CYP4A22: variants seen among roughly 807,000 people sequenced by gnomAD.
The protein encoded by CYP4A22 is cytochrome P450 family 4 subfamily A member 22.
CYP4A22 carries 46 observed loss-of-function variants against 56.2 expected under a neutral mutation model. The observed-to-expected ratio is 0.82, with a 90% CI of 0.65 to 1.05. CYP4A22 has a LOEUF of 1.05. CYP4A22 is among the 50% of genes least tolerant of loss of function. CYP4A22 has a pLI of 0.00. For synonymous variants in CYP4A22, 193 were observed against 251.1 expected (o/e 0.77, Z 2.19); for missense variants, 541 against 645.9 (o/e 0.84, Z 1.76).
At chr1:47,147,250 G>C in intron 11 of CYP4A22, 1 of 985,422 alleles carries the variant, frequency 1.0e-6, no homozygotes, top group Non-Finnish European at 1.2e-6. Flanking sequence ...TGTAAACATT[G>C]CCTGCAAATC....
rs2405594 is a variant in CYP4A22 at position 47,144,981 on chromosome 1, T to C, written c.1222+11T>C. On this transcript the variant is annotated intron_variant, in intron 9 of 11. Coordinates refer to ENST00000371891, the MANE Select transcript of CYP4A22 (RefSeq NM_001010969.4). ...GCTCCTTGCCCAAAGGTATGAAGTT[T>C]CCCCACCCTCTCACCCAAAGTCTCC... 6 of 1,613,730 alleles carry C rather than the reference T, an allele frequency of 3.7e-6. No homozygotes were observed. Among genetic ancestry groups the C allele is most frequent in the African/African-American group, 1.3e-5 (1 of 74,920 alleles).
rs959615067 is a variant in CYP4A22, at chr1:47,142,301, T to C, written c.510+66T>C. On this transcript the variant is annotated intron_variant, in intron 4 of 11. Coordinates refer to ENST00000371891, the MANE Select transcript of CYP4A22 (RefSeq NM_001010969.4). ...GCACACACTCTCACCAACTCCACTC[T>C]CAACCCTGTGTCCCACAGGCAGCCA... The C allele has an allele frequency of 5.3e-6, 8 of 1,519,846 alleles. No individual in the cohort carries two copies. The African/African-American group carries it at 1.1e-4, about 21-fold the overall frequency. 94.1% of individuals were successfully genotyped at this position (1,519,846 alleles called of 1,614,324 possible). A position where few individuals can be genotyped will look rare whatever the true frequency, so the allele number is the denominator to read the frequency against.
intron 9 of CYP4A22, 47 bp from the exon 10 acceptor site, chr1:47,145,819 C>T (rs770092010): frequency 3.7e-6 from 6 of 1,612,264 alleles, no homozygotes; most frequent in Admixed American, 1.7e-5. Flanking sequence ...ACCAGGCCAC[C>T]CCATGCAAAT....
In CYP4A22 at chr1:47,140,772, G is replaced by A. The variant is rs771185060; in HGVS notation, c.196-8G>A. 8 of 1,613,848 alleles carry A rather than the reference G, an allele frequency of 5.0e-6. No homozygotes were observed. The highest frequency in any genetic ancestry group is 1.6e-4 in the Middle Eastern group (1 of 6,082). ...TGAAAGTGTTCATCTGTCTACCCTC[G>A]TTGACAGTTCCAACACGACCAGGAG... On this transcript the variant is annotated splice_polypyrimidine_tract_variant and splice_region_variant and intron_variant, in intron 1 of 11. Coordinates refer to ENST00000371891, the MANE Select transcript of CYP4A22 (RefSeq NM_001010969.4).
Position 47,144,863 on chromosome 1 carries a change from C to T in CYP4A22, c.1115C>T (p.Thr372Ile), listed in dbSNP as rs1227057139. ...AACCACCTGGACCAGATGCCCTACA[C>T]CACCATGTGCATTAAGGAGGCACTG... ...TWNHLDQMPY[T>I]TMCIKEALRL... Residue 372 changes from threonine (T) to isoleucine (I), a missense_variant, in exon 9 of 12, where the codon ACC becomes ATC. Coordinates refer to ENST00000371891, the MANE Select transcript of CYP4A22 (RefSeq NM_001010969.4). 3.7e-6 allele frequency: 6 copies of T among 1,613,924 alleles called. No individual in the cohort carries two copies. In the African/African-American group the frequency reaches 4.0e-5, roughly 11 times the overall value.
rs1324458301 is a variant in CYP4A22, at chr1:47,143,995, G to A, written c.790+79G>A. 1.6e-5 allele frequency: 24 copies of A among 1,529,300 alleles called. No homozygotes were observed. In the East Asian group the frequency reaches 5.0e-4, roughly 32 times the overall value. The allele number at this position is 1,529,300 out of a possible 1,614,324, so 94.7% of individuals were successfully genotyped here. ...TGCCCTGACTCCTCAGGCAGAGAAG[G>A]TCCCTAGTAATCCTGCAGAAGCCAG... On this transcript the variant is annotated intron_variant, in intron 6 of 11. Coordinates refer to ENST00000371891, the MANE Select transcript of CYP4A22 (RefSeq NM_001010969.4).
rs1645009204 is a variant in CYP4A22, at chr1:47,141,563, C to A, written c.338-8C>A. On this transcript the variant is annotated splice_region_variant and splice_polypyrimidine_tract_variant and intron_variant, in intron 2 of 11. Coordinates refer to ENST00000371891, the MANE Select transcript of CYP4A22 (RefSeq NM_001010969.4). ...TAGTTTCCTATAAAGCCCTTTCTTACTTTTCAGACCCGAAATCCCATGGAT... is the reference window on the plus strand; with the variant it reads ...TAGTTTCCTATAAAGCCCTTTCTTAATTTTCAGACCCGAAATCCCATGGAT... The A allele has an allele frequency of 6.2e-7, 1 of 1,613,532 alleles. No individual in the cohort carries two copies. Among genetic ancestry groups the A allele is most frequent in the Non-Finnish European group, 8.5e-7 (1 of 1,179,620 alleles).
At chr1:47,146,524 G>A in intron 11 of CYP4A22, 1 of 1,107,764 alleles carries the variant, frequency 9.0e-7, no homozygotes, top group Non-Finnish European at 1.1e-6. Context: ...GTCAGGAATA[G>A]TAAACTGTAG....
intron 1 of CYP4A22, among the ~76,000 whole-genome samples, chr1:47,139,441 G>A (rs1311942009): frequency 1.3e-5 from 2 of 152,180 alleles, no homozygotes; most frequent in Admixed American, 6.5e-5. Context: ...GTTCAGTTCT[G>A]AGTTAGGTCC....
intron 6 of CYP4A22, among the ~76,000 whole-genome samples, chr1:47,144,152 C>T (rs1282887757): frequency 6.6e-6 from 1 of 152,220 alleles, no homozygotes; most frequent in Non-Finnish European, 1.5e-5. Context: ...AAACAGCATT[C>T]AAGAGGAGCC....
At position 47,149,717 on chromosome 1, in the gene CYP4A22, T is replaced by C. The variant is rs1645110763; in HGVS notation, c.*920T>C. 6.6e-6 allele frequency: 1 copy of C among 152,214 alleles called. No individual in the cohort carries two copies. The highest frequency in any genetic ancestry group is 1.5e-5 in the Non-Finnish European group (1 of 68,054). 9.4% of individuals were successfully genotyped at this position (152,214 alleles called of 1,614,324 possible). On this transcript the variant is annotated 3_prime_UTR_variant, in exon 12 of 12. Transcript: ENST00000371891. ...TTCCTATTGCTGCTGTAATAAACTA[T>C]CACAATCTCAGTGATTTTAAATAAC...
chr1:47,145,487 C>T (rs1329652816), intron 9 of CYP4A22, among the ~76,000 whole-genome samples: 6 of 152,202 alleles, frequency 3.9e-5, no homozygotes, highest in Non-Finnish European at 7.3e-5. Context: ...CTCTCTGATA[C>T]TCAGGTATCT....
chr1:47,141,024 T>C (rs1645003331), intron 2 of CYP4A22, 103 bp downstream of exon 2: 3 of 1,528,700 alleles, frequency 2.0e-6, no homozygotes, highest in Non-Finnish European at 2.6e-6. Flanking sequence ...AACATCAATA[T>C]CTGAAACCTC....
intron 9 of CYP4A22, among the ~76,000 whole-genome samples, chr1:47,145,504 A>T (rs1349126526): frequency 3.3e-5 from 5 of 152,254 alleles, no homozygotes; most frequent in African/African-American, 1.2e-4. Flanking sequence ...ATCTCCCCTG[A>T]AAACTGAGAG....
chr1:47,139,589 C>T (rs1404025493), intron 1 of CYP4A22, among the ~76,000 whole-genome samples: 3 of 152,214 alleles, frequency 2.0e-5, no homozygotes, highest in East Asian at 1.9e-4. Context: ...TGTGTCCTAA[C>T]GCAGTGCCTG....
At position 47,144,922 on chromosome 1, in the gene CYP4A22, G is replaced by C; in HGVS notation, c.1174G>C (p.Glu392Gln). ...LYPPVPGIGR[E>Q]LSTPVTFPDG... ...CCCACCGGTGCCAGGCATTGGAAGAGAGCTCAGCACTCCCGTCACCTTCCC... is the reference window on the plus strand; with the variant it reads ...CCCACCGGTGCCAGGCATTGGAAGACAGCTCAGCACTCCCGTCACCTTCCC... Residue 392 changes from glutamate (E) to glutamine (Q), a missense_variant, in exon 9 of 12, where the codon GAG becomes CAG. Physicochemically the swap from Glu to Gln is conservative, Grantham distance 29 (BLOSUM62 2). Around this residue, in one of 3 missense-constraint regions of CYP4A22, gnomAD observed 204 missense variants for 258.9 expected, o/e 0.79. Transcript: ENST00000371891. 6.2e-7 allele frequency: 1 copy of C among 1,614,164 alleles called. No homozygotes were observed.
At chr1:47,144,060 G>C in intron 6 of CYP4A22, 144 bp downstream of exon 6, 6 of 1,426,760 alleles carry the variant, frequency 4.2e-6, no homozygotes, top group Non-Finnish European at 5.6e-6. Flanking sequence ...TCAGGGGCTG[G>C]GAGCCAAGAT....
At chr1:47,142,907 G>C (rs1487455712) in intron 4 of CYP4A22, among the ~76,000 whole-genome samples, 1 of 152,202 alleles carries the variant, frequency 6.6e-6, no homozygotes, top group Non-Finnish European at 1.5e-5. Flanking sequence ...CTCAGAACTA[G>C]CTCAGCTCTC....
In CYP4A22 at chr1:47,137,664, T is replaced by C; in HGVS notation, c.179T>C (p.Phe60Ser). The C allele has an allele frequency of 1.9e-6, 3 of 1,612,370 alleles. No individual in the cohort carries two copies. Among genetic ancestry groups the C allele is most frequent in the Non-Finnish European group, 1.7e-6 (2 of 1,178,944 alleles). ...CCGTGCCCTCCCTCCCACTGGCTCT[T>C]CGGGCACATCCAGGAGGTAGGGAGG... is the stretch of plus-strand genomic sequence containing the variant. ...QFPCPPSHWL[F>S]GHIQEFQHDQ... The change falls in exon 1 of 12, where the codon TTC (phenylalanine) becomes TCC (serine). Residue 60 changes from phenylalanine to serine, a missense_variant. Around this residue, in one of 3 missense-constraint regions of CYP4A22, gnomAD observed 335 missense variants for 361.2 expected, o/e 0.93. Coordinates refer to ENST00000371891, the MANE Select transcript of CYP4A22 (RefSeq NM_001010969.4).
Sources: gnomAD v4.1 joint callset for allele counts (sites outside exome capture counted in the v4.1 genomes callset) on GRCh38, gnomAD v4.1.1 for gene constraint, gnomAD v4.1.1 regional missense constraint, MANE v1.5 for transcripts, NCBI Gene and HGNC (gene_info 2026-07-23, HGNC 2026-07-21) for gene names.